The following CDK12 variants were observed in gnomAD, a reference collection of about 807,000 sequenced individuals.
CDK12 encodes the protein cyclin-dependent kinase 12.
A neutral mutation model predicts 133.8 loss-of-function variants in CDK12; 17 were observed. The observed-to-expected ratio is 0.13, with a 90% CI of 0.09 to 0.19. The LOEUF (loss-of-function observed/expected upper bound fraction) is 0.19. Among genes scored for constraint, CDK12 ranks in the 10% least tolerant of loss-of-function variants. The pLI, the probability that CDK12 is intolerant of heterozygous loss-of-function variation, is 1.00. For synonymous variants in CDK12, 694 were observed against 683.6 expected (o/e 1.02, Z -0.24); for missense variants, 1,508 against 1,818.7 (o/e 0.83, Z 3.11).
chr17:39,469,713 C>T (rs1486679964), intron 1 of CDK12, among the ~76,000 whole-genome samples: 1 of 150,904 alleles, frequency 6.6e-6, no homozygotes, highest in Non-Finnish European at 1.5e-5. Context: ...TCTCGGCTCA[C>T]CGTAACCTCT....
intron 2 of CDK12, among the ~76,000 whole-genome samples, chr17:39,475,046 G>A (rs1002216002): frequency 6.6e-6 from 1 of 151,694 alleles, no homozygotes; most frequent in Non-Finnish European, 1.5e-5. Context: ...TGTTGGCCAG[G>A]CTGGTCTCGA....
chr17:39,464,951 C>CA (rs562143259), intron 1 of CDK12, among the ~76,000 whole-genome samples: 12,611 of 128,594 alleles, frequency 0.098, 641 homozygotes, highest in South Asian at 0.17. Flanking sequence ...GACCCTGTCT[C>CA]AAAAAAAAAA....
At chr17:39,528,010 G>A (rs757151950) in intron 13 of CDK12, among the ~76,000 whole-genome samples, 1 of 151,808 alleles carries the variant, frequency 6.6e-6, no homozygotes, top group Non-Finnish European at 1.5e-5. Flanking sequence ...CTGCCTCCTG[G>A]GTTCAAGCAA....
chr17:39,565,117 G>A (rs2056523440), downstream of CDK12, among the ~76,000 whole-genome samples: 1 of 152,056 alleles, frequency 6.6e-6, no homozygotes, highest in Admixed American at 6.6e-5. Context: ...TTGTTTGTTT[G>A]TTTGCTTGTT....
chr17:39,465,119 G>A lies in CDK12; in HGVS notation c.1046+2002G>A, dbSNP rs190112739. 5.2e-3 allele frequency among the ~76,000 whole-genome samples: 783 copies of A among 151,904 alleles called. 8 individuals carry two copies. Among genetic ancestry groups the A allele is most frequent in the Non-Finnish European group, 8.5e-3 (576 of 67,936 alleles). On this transcript the variant is annotated intron_variant, in intron 1 of 13. Transcript: ENST00000447079. ...AAATTAGTTGGGTGTGGTGGCGTGCGCCTGTAGTCCCAGCTACTCGGAAGG... is the reference window on the plus strand; with the variant it reads ...AAATTAGTTGGGTGTGGTGGCGTGCACCTGTAGTCCCAGCTACTCGGAAGG...
At chr17:39,489,554 G>A (rs2051411737) in intron 2 of CDK12, among the ~76,000 whole-genome samples, 1 of 149,268 alleles carries the variant, frequency 6.7e-6, no homozygotes, top group African/African-American at 2.5e-5. Context: ...GCCTGGGCTG[G>A]AGTGCAGTGG....
downstream of CDK12, among the ~76,000 whole-genome samples, chr17:39,536,529 A>G (rs2055142323): frequency 1.3e-5 from 2 of 152,182 alleles, no homozygotes; most frequent in Admixed American, 6.5e-5. Context: ...CCCTCTTTCA[A>G]CCTTCACCTT....
chr17:39,471,710 G>A lies in CDK12; in HGVS notation c.1878G>A (p.Thr626=), dbSNP rs762600743. 5 of 1,613,890 alleles carry A rather than the reference G, an allele frequency of 3.1e-6. No individual in the cohort carries two copies. Among genetic ancestry groups the A allele is most frequent in the African/African-American group, 2.7e-5 (2 of 74,866 alleles). ...TAAIPHLKTS[T]LPPLPLPPLL... is the part of the protein sequence containing the mutation. ...CTATTCCACACCTGAAAACTTCAAC[G>A]TTGCCTCCTTTGCCCCTCCCACCCT... Residue 626 remains threonine, a synonymous_variant, in exon 2 of 14, where the codon ACG becomes ACA. Transcript: ENST00000447079.
chr17:39,551,490 T>G (rs1358317269), intron 2 of CDK12, among the ~76,000 whole-genome samples: 3 of 151,560 alleles, frequency 2.0e-5, no homozygotes, highest in Admixed American at 1.3e-4. Context: ...ATGCTGAGCT[T>G]TTTTTTTTGA....
intron 3 of CDK12, among the ~76,000 whole-genome samples, chr17:39,560,153 G>A (rs2056324121): frequency 6.6e-6 from 1 of 152,162 alleles, no homozygotes. Context: ...TGTATCAATA[G>A]TTCATTCCTT....
chr17:39,487,406 C>G (rs965432145), intron 2 of CDK12, among the ~76,000 whole-genome samples: 4 of 152,026 alleles, frequency 2.6e-5, no homozygotes, highest in South Asian at 2.1e-4. Context: ...AATATTCATG[C>G]AAAGCACCAA....
chr17:39,514,179 A>G (rs892349807), intron 8 of CDK12, among the ~76,000 whole-genome samples: 1 of 152,178 alleles, frequency 6.6e-6, no homozygotes, highest in Non-Finnish European at 1.5e-5. Flanking sequence ...TACAGGCATC[A>G]GCCACTGAGC....
intron 3 of CDK12, among the ~76,000 whole-genome samples, chr17:39,563,145 C>T (rs1413894173): frequency 1.3e-5 from 2 of 152,016 alleles, no homozygotes; most frequent in South Asian, 2.1e-4. Flanking sequence ...ATACTGCATT[C>T]TACTGCGATC....
chr17:39,465,216 A>T (rs2049212588), intron 1 of CDK12, among the ~76,000 whole-genome samples: 1 of 147,788 alleles, frequency 6.8e-6, no homozygotes, highest in Non-Finnish European at 1.5e-5. Context: ...ATTGCACTCC[A>T]GCCTAGGTGA....
chr17:39,514,772 A>C (rs2053694250), intron 8 of CDK12, among the ~76,000 whole-genome samples: 1 of 152,192 alleles, frequency 6.6e-6, no homozygotes, highest in African/African-American at 2.4e-5. Flanking sequence ...AACTGCATAT[A>C]TTTTGATATG....
intron 2 of CDK12, among the ~76,000 whole-genome samples, chr17:39,476,711 C>CCTTTTTTTTTT (rs1555553398): frequency 4.7e-5 from 4 of 84,504 alleles, no homozygotes; most frequent in Non-Finnish European, 6.2e-5. Context: ...CCATGCCTGC[C>CCTTTTTTTTTT]TTTTTTTTTT....
chr17:39,517,908 A>G (rs1369439904), intron 10 of CDK12, among the ~76,000 whole-genome samples: 4 of 151,422 alleles, frequency 2.6e-5, no homozygotes, highest in Non-Finnish European at 4.4e-5. Flanking sequence ...GCTGGAGTGC[A>G]GTGGCACGTT....
chr17:39,467,513 A>G (rs2049433238), intron 1 of CDK12, among the ~76,000 whole-genome samples: 1 of 152,184 alleles, frequency 6.6e-6, no homozygotes, highest in South Asian at 2.1e-4. Flanking sequence ...TGGAACTTAA[A>G]TGTAGCATTT....
intron 4 of CDK12, among the ~76,000 whole-genome samples, chr17:39,494,058 C>CT (rs1158411914): frequency 3.9e-5 from 6 of 151,964 alleles, no homozygotes; most frequent in Non-Finnish European, 8.8e-5. Context: ...ATAAAATTTC[C>CT]TTTTTTGTTT....
Sources: gnomAD v4.1 joint callset for allele counts (sites outside exome capture counted in the v4.1 genomes callset) on GRCh38, gnomAD v4.1.1 for gene constraint, MANE v1.5 for transcripts, NCBI Gene and HGNC (gene_info 2026-07-23, HGNC 2026-07-21) for gene names.